The following MAGI2 variants were observed in gnomAD, a reference collection of about 807,000 sequenced individuals.
MAGI2 encodes the protein membrane associated guanylate kinase, WW and PDZ domain containing 2, also known as membrane-associated guanylate kinase, WW and PDZ domain-containing protein 2.
MAGI2 carries 35 observed loss-of-function variants against 133.3 expected under a neutral mutation model. That is an observed-to-expected ratio of 0.26 (90% CI 0.20 to 0.35). The LOEUF (loss-of-function observed/expected upper bound fraction) is 0.35, where lower values mean the gene tolerates loss of function less well. Among genes scored for constraint, MAGI2 ranks in the 10% least tolerant of loss-of-function variants. The probability of loss-of-function intolerance (pLI) is 1.00; values close to 1 mark genes in which losing one functional copy is unlikely to be tolerated. For missense variants in MAGI2, 1,636 were observed against 1,863.4 expected, an observed-to-expected ratio of 0.88 and a Z score of 2.25; for synonymous variants, 729 against 710.6, an observed-to-expected ratio of 1.03 and a Z score of -0.41.
intron 10 of MAGI2, among the ~76,000 whole-genome samples, chr7:78,204,166 AATGGAATAATTTCTAATAATAATT>A (rs1456093712): frequency 2.0e-5 from 3 of 152,222 alleles, no homozygotes; most frequent in African/African-American, 7.2e-5. Context: ...ACTCCATGTG[AATGGAATAATTTCTAATAATAATT>A]ATGGAATAAT....
chr7:78,919,900 A>T (rs1218493964), intron 2 of MAGI2, among the ~76,000 whole-genome samples: 2 of 152,052 alleles, frequency 1.3e-5, no homozygotes, highest in Non-Finnish European at 2.9e-5. Context: ...TGCACAAGGA[A>T]ATGTTAGCCC....
At chr7:79,120,489 T>C (rs1453020857) in intron 1 of MAGI2, among the ~76,000 whole-genome samples, 3 of 152,056 alleles carry the variant, frequency 2.0e-5, no homozygotes, top group African/African-American at 7.2e-5. Context: ...AAAAACCCTT[T>C]ACATATACAC....
chr7:78,348,747 T>C (rs1791181045), intron 7 of MAGI2, among the ~76,000 whole-genome samples: 2 of 152,224 alleles, frequency 1.3e-5, no homozygotes, highest in Admixed American at 6.5e-5. Flanking sequence ...TATTTTCTTA[T>C]ACTCCACTTC....
At chr7:78,518,977 A>T (rs1192221649) in intron 4 of MAGI2, 1 of 152,234 alleles carries the variant, frequency 6.6e-6, no homozygotes, top group South Asian at 2.1e-4. Flanking sequence ...TATGAAAGTG[A>T]TCTGCCTGCC....
intron 1 of MAGI2, among the ~76,000 whole-genome samples, chr7:79,305,816 G>C (rs1417347130): frequency 6.6e-6 from 1 of 152,020 alleles, no homozygotes; most frequent in Non-Finnish European, 1.5e-5. Context: ...AGCTGCTTGG[G>C]AGGCTAACAC....
At chr7:78,520,433 T>G (rs571514794) in intron 4 of MAGI2, among the ~76,000 whole-genome samples, 1 of 152,132 alleles carries the variant, frequency 6.6e-6, no homozygotes, top group South Asian at 2.1e-4. Flanking sequence ...AACAGCACAA[T>G]AAACCTGAAA....
intron 1 of MAGI2, among the ~76,000 whole-genome samples, chr7:79,316,306 C>G (rs936358195): frequency 6.6e-6 from 1 of 152,038 alleles, no homozygotes; most frequent in African/African-American, 2.4e-5. Flanking sequence ...TTCTCTGTCA[C>G]TTTCAAATAA....
In MAGI2 at chr7:78,792,553, A is replaced by C. The variant is rs566518986; in HGVS notation, c.419-165314T>G. On this transcript the variant is annotated intron_variant, in intron 2 of 21. Coordinates refer to ENST00000354212, the MANE Select transcript of MAGI2 (RefSeq NM_012301.4). ...GCATATCCTACACACCCAGCCTGTC[A>C]ATTTGAACTCCCTATAATCAAGTAT... 3.9e-5 allele frequency among the ~76,000 whole-genome samples: 6 copies of C among 152,324 alleles called. No individual in the cohort carries two copies. In the South Asian group the frequency reaches 1.2e-3, roughly 32 times the overall value.
At chr7:78,625,266 G>T (rs1359765783) in intron 3 of MAGI2, among the ~76,000 whole-genome samples, 1 of 151,850 alleles carries the variant, frequency 6.6e-6, no homozygotes, top group Non-Finnish European at 1.5e-5. Context: ...ATATAAAAAT[G>T]ATTGGCTACA....
intron 2 of MAGI2, among the ~76,000 whole-genome samples, chr7:78,638,058 G>A (rs1809865141): frequency 6.6e-6 from 1 of 150,416 alleles, no homozygotes; most frequent in Non-Finnish European, 1.5e-5. Context: ...ACAAGACCCT[G>A]TTTCAAGAAA....
At chr7:78,446,185 C>T (rs1027253445) in intron 6 of MAGI2, among the ~76,000 whole-genome samples, 29 of 151,538 alleles carry the variant, frequency 1.9e-4, no homozygotes, top group African/African-American at 6.5e-4. Context: ...TTTTCTCCTT[C>T]GCATGTATTT....
chr7:78,551,133 C>T (rs1388566734), intron 3 of MAGI2, among the ~76,000 whole-genome samples: 2 of 152,166 alleles, frequency 1.3e-5, no homozygotes, highest in African/African-American at 4.8e-5. Flanking sequence ...GATTCACTTT[C>T]TCACTGTATC....
chr7:78,461,916 C>CAAAAAAAAAAAAAAAAAAAA (rs55811983), intron 6 of MAGI2, among the ~76,000 whole-genome samples: 4 of 30,534 alleles, frequency 1.3e-4, no homozygotes, highest in Non-Finnish European at 1.9e-4. Context: ...AATTCCGTCT[C>CAAAAAAAAAAAAAAAAAAAA]AAAAAAAAAA....
At chr7:79,223,501 A>G (rs1352289149) in intron 1 of MAGI2, among the ~76,000 whole-genome samples, 2 of 151,902 alleles carry the variant, frequency 1.3e-5, no homozygotes, top group African/African-American at 4.8e-5. Flanking sequence ...TAAAATTCCT[A>G]TGAGGAAGAT....
At chr7:78,207,513 T>C (rs1406875717) in intron 10 of MAGI2, among the ~76,000 whole-genome samples, 2 of 152,214 alleles carry the variant, frequency 1.3e-5, no homozygotes, top group Admixed American at 6.5e-5. Context: ...ATTTAGCCTT[T>C]GGTAAATGTA....
At chr7:78,320,202 G>C (rs1165276010) in intron 9 of MAGI2, among the ~76,000 whole-genome samples, 1 of 152,146 alleles carries the variant, frequency 6.6e-6, no homozygotes, top group Non-Finnish European at 1.5e-5. Flanking sequence ...ACAAAGAGGA[G>C]CTGGTACCAT....
At chr7:78,627,906 G>A (rs1480429599) in intron 2 of MAGI2, among the ~76,000 whole-genome samples, 1 of 152,148 alleles carries the variant, frequency 6.6e-6, no homozygotes, top group Non-Finnish European at 1.5e-5. Context: ...CATCACACAG[G>A]CTCTCCCTTA....
chr7:79,254,562 A>G (rs1170690526), intron 1 of MAGI2, among the ~76,000 whole-genome samples: 1 of 152,234 alleles, frequency 6.6e-6, no homozygotes, highest in African/African-American at 2.4e-5. Flanking sequence ...ATACAGTTGT[A>G]TGCTTCTATA....
intron 9 of MAGI2, among the ~76,000 whole-genome samples, chr7:78,284,777 C>T (rs1334414366): frequency 6.6e-6 from 1 of 152,010 alleles, no homozygotes; most frequent in Non-Finnish European, 1.5e-5. Context: ...CTAGTGTGTC[C>T]ATTAACAAAG....
Sources: gnomAD v4.1 joint callset for allele counts (sites outside exome capture counted in the v4.1 genomes callset) on GRCh38, gnomAD v4.1.1 for gene constraint, MANE v1.5 for transcripts, NCBI Gene and HGNC (gene_info 2026-07-23, HGNC 2026-07-21) for gene names.